DGKB: variants seen among roughly 807,000 people sequenced by gnomAD.
DGKB encodes the protein diacylglycerol kinase beta.
Under a neutral mutation model 114.3 loss-of-function variants are expected in DGKB, and 67 were observed. That is an observed-to-expected ratio of 0.59 (90% CI 0.48 to 0.72). The LOEUF (loss-of-function observed/expected upper bound fraction) is 0.72, where lower values mean the gene tolerates loss of function less well. DGKB is among the 30% of genes least tolerant of loss of function. The pLI, the probability that DGKB is intolerant of heterozygous loss-of-function variation, is 0.00. For missense variants in DGKB, 907 were observed against 975.2 expected, an observed-to-expected ratio of 0.93 and a Z score of 0.93; for synonymous variants, 398 against 323.1, an observed-to-expected ratio of 1.23 and a Z score of -2.49.
At chr7:14,260,737 CT>C (rs2128411675) in intron 23 of DGKB, among the ~76,000 whole-genome samples, 1 of 152,270 alleles carries the variant, frequency 6.6e-6, no homozygotes, top group East Asian at 1.9e-4. Flanking sequence ...AGTAGAGCTA[CT>C]TAATACCGTG....
intron 1 of DGKB, among the ~76,000 whole-genome samples, chr7:14,945,603 G>A (rs145324092): frequency 1.3e-5 from 2 of 151,716 alleles, no homozygotes; most frequent in African/African-American, 4.8e-5. Flanking sequence ...ACAGGCACAC[G>A]CACAAGTACA....
At chr7:14,889,962 T>C (rs773693892) in intron 1 of DGKB, among the ~76,000 whole-genome samples, 10 of 151,730 alleles carry the variant, frequency 6.6e-5, no homozygotes, top group Admixed American at 4.6e-4. Context: ...CTTTGGGTGA[T>C]GTATAAAAAC....
At chr7:14,969,729 A>C (rs190532109) in intron 1 of DGKB, among the ~76,000 whole-genome samples, 2 of 152,314 alleles carry the variant, frequency 1.3e-5, no homozygotes, top group Non-Finnish European at 2.9e-5. Flanking sequence ...CAGGTCCTTC[A>C]TGCCAAAACG....
chr7:14,429,208 G>A (rs1167262623), intron 21 of DGKB, among the ~76,000 whole-genome samples: 1 of 152,118 alleles, frequency 6.6e-6, no homozygotes, highest in Non-Finnish European at 1.5e-5. Flanking sequence ...TCTCCCGTGT[G>A]ATGGTGTTAG....
chr7:14,577,712 C>A (rs557974688), intron 19 of DGKB, among the ~76,000 whole-genome samples: 7 of 152,212 alleles, frequency 4.6e-5, no homozygotes, highest in African/African-American at 1.4e-4. Flanking sequence ...TTAAGAGAGA[C>A]TAATGATTGC....
chr7:14,938,230 C>T (rs1011112993), intron 1 of DGKB, among the ~76,000 whole-genome samples: 6 of 152,062 alleles, frequency 3.9e-5, no homozygotes, highest in Non-Finnish European at 8.8e-5. Flanking sequence ...TATCAGGGTG[C>T]TTTAAAAATG....
chr7:14,541,745 C>T (rs1027935005), intron 20 of DGKB, among the ~76,000 whole-genome samples: 1 of 152,174 alleles, frequency 6.6e-6, no homozygotes, highest in African/African-American at 2.4e-5. Flanking sequence ...TTAATTTTTA[C>T]TGCTGAAACC....
At chr7:14,689,366 G>A (rs867343426) in intron 9 of DGKB, among the ~76,000 whole-genome samples, 2 of 151,324 alleles carry the variant, frequency 1.3e-5, no homozygotes, top group African/African-American at 2.4e-5. Flanking sequence ...TAGTAGAGAC[G>A]GGGTTTCACC....
intron 21 of DGKB, among the ~76,000 whole-genome samples, chr7:14,428,755 C>T (rs1563164405): frequency 6.6e-6 from 1 of 152,104 alleles, no homozygotes; most frequent in East Asian, 1.9e-4. Flanking sequence ...TTTTGCATTA[C>T]ATTGTATACC....
chr7:14,658,649 A>C (rs1386846448), intron 13 of DGKB, among the ~76,000 whole-genome samples: 2 of 151,922 alleles, frequency 1.3e-5, no homozygotes, highest in Non-Finnish European at 2.9e-5. Flanking sequence ...TACACATTTT[A>C]TGCATGTAAC....
chr7:14,566,940 G>C lies in DGKB; in HGVS notation c.1770+7272C>G, dbSNP rs147294331. Among the ~76,000 whole-genome samples the C allele has an allele frequency of 3.2e-4, 48 of 150,128 alleles. No homozygotes were observed. In the East Asian group the frequency reaches 9.3e-3, roughly 29 times the overall value. On this transcript the variant is annotated intron_variant, in intron 20 of 25. Coordinates refer to ENST00000402815, the MANE Select transcript of DGKB (RefSeq NM_001350709.2). ...TCTACGGTTGATGTCCTTCATGGTA[G>C]CTTTTGTTTTCTTTCACAGCATTTA...
chr7:14,610,554 T>C (rs1436521438), intron 16 of DGKB, among the ~76,000 whole-genome samples: 1 of 152,090 alleles, frequency 6.6e-6, no homozygotes, highest in Non-Finnish European at 1.5e-5. Context: ...AAACCTAAAT[T>C]GGTTTTATAT....
At chr7:14,801,537 T>C (rs1247207743) in intron 2 of DGKB, among the ~76,000 whole-genome samples, 1 of 152,174 alleles carries the variant, frequency 6.6e-6, no homozygotes, top group African/African-American at 2.4e-5. Context: ...TCATCCAGTC[T>C]ACTCAGAGCT....
At chr7:14,721,933 C>A (rs185784128) in intron 5 of DGKB, among the ~76,000 whole-genome samples, 108 of 152,156 alleles carry the variant, frequency 7.1e-4, no homozygotes, top group African/African-American at 2.3e-3. Flanking sequence ...TGCTTTATAT[C>A]TTTCCTTCAT....
At chr7:14,413,220 A>G (rs148182545) in intron 21 of DGKB, among the ~76,000 whole-genome samples, 8 of 152,270 alleles carry the variant, frequency 5.3e-5, no homozygotes, top group Non-Finnish European at 7.4e-5. Flanking sequence ...ACAATACGCC[A>G]TTTCAGCATC....
At chr7:14,835,814 TAAAC>T (rs1189724010) in intron 2 of DGKB, among the ~76,000 whole-genome samples, 1 of 152,150 alleles carries the variant, frequency 6.6e-6, no homozygotes, top group Non-Finnish European at 1.5e-5. Flanking sequence ...ATGAAAAACA[TAAAC>T]AAATTATTCC....
intron 23 of DGKB, among the ~76,000 whole-genome samples, chr7:14,331,770 T>C (rs1179926558): frequency 2.6e-5 from 4 of 152,180 alleles, no homozygotes; most frequent in African/African-American, 9.6e-5. Context: ...TTCACAGACG[T>C]CAGCTCATTT....
At chr7:14,743,472 C>T (rs1832845959) in intron 4 of DGKB, among the ~76,000 whole-genome samples, 1 of 152,092 alleles carries the variant, frequency 6.6e-6, no homozygotes, top group African/African-American at 2.4e-5. Context: ...ATTTAACAGG[C>T]TTCCCCAAAT....
chr7:14,206,445 A>G (rs1786833514), intron 23 of DGKB, among the ~76,000 whole-genome samples: 1 of 152,040 alleles, frequency 6.6e-6, no homozygotes, highest in South Asian at 2.1e-4. Flanking sequence ...CTAGTGCTTA[A>G]ATCTACCTAG....
Sources: gnomAD v4.1 joint callset for allele counts (sites outside exome capture counted in the v4.1 genomes callset) on GRCh38, gnomAD v4.1.1 for gene constraint, MANE v1.5 for transcripts, NCBI Gene and HGNC (gene_info 2026-07-23, HGNC 2026-07-21) for gene names.